The following ICA1L variants were observed in gnomAD, a reference collection of about 807,000 sequenced individuals.
ICA1L encodes islet cell autoantigen 1 like, also known as islet cell autoantigen 1-like protein.
ICA1L carries 50 observed loss-of-function variants against 61.3 expected under a neutral mutation model. The observed-to-expected ratio is 0.82, with a 90% CI of 0.65 to 1.03. ICA1L has a LOEUF of 1.03. Among genes scored for constraint, ICA1L ranks in the 50% least tolerant of loss-of-function variants. The probability of loss-of-function intolerance (pLI) is 0.00; values close to 1 mark genes in which losing one functional copy is unlikely to be tolerated. For synonymous variants in ICA1L, 161 were observed against 191.3 expected, an observed-to-expected ratio of 0.84 and a Z score of 1.31; for missense variants, 508 against 556.7, an observed-to-expected ratio of 0.91 and a Z score of 0.88.
In ICA1L at chr2:202,809,303, A is replaced by C. The variant is rs115122240; in HGVS notation, c.910+2443T>G. Among the ~76,000 whole-genome samples the C allele has an allele frequency of 5.2e-3, 788 of 151,892 alleles. 4 individuals carry two copies. Among genetic ancestry groups the C allele is most frequent in the African/African-American group, 0.018 (728 of 41,406 alleles). ...GGAGTATTGATCAAGCAGAAGAAAGAATCAGTGAGTTTGAAGACCGGTTAT... is the reference window on the plus strand; with the variant it reads ...GGAGTATTGATCAAGCAGAAGAAAGCATCAGTGAGTTTGAAGACCGGTTAT... On this transcript the variant is annotated intron_variant, in intron 9 of 12. Coordinates refer to ENST00000358299, the MANE Select transcript of ICA1L (RefSeq NM_001288622.3).
chr2:202,805,988 C>T (rs1231987112), intron 9 of ICA1L, among the ~76,000 whole-genome samples: 1 of 152,186 alleles, frequency 6.6e-6, no homozygotes, highest in Non-Finnish European at 1.5e-5. Flanking sequence ...TTACAACGGT[C>T]TCTTACATTG....
At chr2:202,867,308 AGATG>A (rs1324954166) in intron 1 of ICA1L, among the ~76,000 whole-genome samples, 1 of 152,196 alleles carries the variant, frequency 6.6e-6, no homozygotes, top group African/African-American at 2.4e-5. Flanking sequence ...ATGTGCCATT[AGATG>A]ATTTTATCAT....
chr2:202,805,985 G>A lies in ICA1L; in HGVS notation c.910+5761C>T, dbSNP rs772008064. On this transcript the variant is annotated intron_variant, in intron 9 of 12. Transcript: ENST00000358299. Reference sequence around the variant, plus strand: ...AGGTATACGAGTTCATGATTACAACGGTCTCTTACATTGTTTCTTTTATCC... The same window carrying A: ...AGGTATACGAGTTCATGATTACAACAGTCTCTTACATTGTTTCTTTTATCC... Among the ~76,000 whole-genome samples, 29 of 152,162 alleles carry A rather than the reference G, an allele frequency of 1.9e-4. 1 individual carries two copies. The highest frequency in any genetic ancestry group is 3.5e-4 in the Non-Finnish European group (24 of 68,022).
rs1290402409 is a variant in ICA1L, at chr2:202,806,636, G to C, written c.910+5110C>G. Among the ~76,000 whole-genome samples the C allele has an allele frequency of 1.3e-4, 20 of 149,424 alleles. No homozygotes were observed. The South Asian group carries it at 2.1e-3, about 16-fold the overall frequency. On this transcript the variant is annotated intron_variant, in intron 9 of 12. Coordinates refer to ENST00000358299, the MANE Select transcript of ICA1L (RefSeq NM_001288622.3). ...ACTCCGACGTGGCTGACAGGAGTGA[G>C]ACTCTGTCTCAAAAAAAAAAAAAGA...
intron 1 of ICA1L, among the ~76,000 whole-genome samples, chr2:202,846,451 G>T (rs979134681): frequency 3.9e-5 from 6 of 151,948 alleles, no homozygotes; most frequent in Admixed American, 3.9e-4. Context: ...GCAAGTCAGG[G>T]TCTCCAGAAC....
At position 202,779,378 on chromosome 2, in the gene ICA1L, T is replaced by C; in HGVS notation, c.*155A>G. The C allele has an allele frequency of 2.0e-6, 1 of 502,866 alleles. No individual in the cohort carries two copies. The highest frequency in any genetic ancestry group is 1.9e-5 in the African/African-American group (1 of 51,634). The allele number at this position is 502,866 out of a possible 1,614,324, so 31.2% of individuals were successfully genotyped here. ...TATGAAAGATGTGTACTTATTCAAATGTGGTCTTTACCATCTGTCTAAAGT... is the reference window on the plus strand; with the variant it reads ...TATGAAAGATGTGTACTTATTCAAACGTGGTCTTTACCATCTGTCTAAAGT... On this transcript the variant is annotated 3_prime_UTR_variant, in exon 13 of 13. Coordinates refer to ENST00000358299, the MANE Select transcript of ICA1L (RefSeq NM_001288622.3).
At chr2:202,863,697 G>C (rs1687361197) in intron 1 of ICA1L, among the ~76,000 whole-genome samples, 1 of 151,116 alleles carries the variant, frequency 6.6e-6, no homozygotes, top group Non-Finnish European at 1.5e-5. Flanking sequence ...CGTGGTGGTG[G>C]GCGCCTGTAG....
At chr2:202,868,923 G>A (rs764769888) in intron 1 of ICA1L, among the ~76,000 whole-genome samples, 3 of 151,698 alleles carry the variant, frequency 2.0e-5, no homozygotes, top group Admixed American at 6.6e-5. Flanking sequence ...AGCTGAGATC[G>A]CGCCACTGCA....
At chr2:202,806,518 C>T (rs1050951927) in intron 9 of ICA1L, among the ~76,000 whole-genome samples, 2 of 151,864 alleles carry the variant, frequency 1.3e-5, no homozygotes, top group Non-Finnish European at 2.9e-5. Flanking sequence ...AGGTAGCACA[C>T]ACCTATAGTC....
intron 4 of ICA1L, among the ~76,000 whole-genome samples, chr2:202,820,919 A>G (rs1693683628): frequency 6.6e-6 from 1 of 152,214 alleles, no homozygotes; most frequent in Admixed American, 6.5e-5. Flanking sequence ...AGAAACTGAA[A>G]TAATAACTGG....
intron 8 of ICA1L, among the ~76,000 whole-genome samples, chr2:202,814,007 C>A (rs1693456321): frequency 6.6e-6 from 1 of 152,126 alleles, no homozygotes; most frequent in South Asian, 2.1e-4. Flanking sequence ...CTCTTAATCA[C>A]CCCAATCAGT....
At chr2:202,858,084 C>T (rs1019629068) in intron 1 of ICA1L, among the ~76,000 whole-genome samples, 1 of 152,040 alleles carries the variant, frequency 6.6e-6, no homozygotes, top group Non-Finnish European at 1.5e-5. Context: ...GATCTAGAAC[C>T]AGAAATACCA....
chr2:202,789,103 A>G lies in ICA1L; in HGVS notation c.986-16T>C. ...TCTTTTGCAACTATTGAGTGTAAAT[A>G]AAAACAGAAAGGCTTTTTTGATTTT... On this transcript the variant is annotated splice_polypyrimidine_tract_variant and intron_variant, in intron 10 of 12. Coordinates refer to ENST00000358299, the MANE Select transcript of ICA1L (RefSeq NM_001288622.3). 1 of 1,583,264 alleles carries G rather than the reference A, an allele frequency of 6.3e-7. No homozygotes were observed. The highest frequency in any genetic ancestry group is 8.6e-7 in the Non-Finnish European group (1 of 1,168,850).
chr2:202,838,445 G>A (rs1457481763), intron 1 of ICA1L, among the ~76,000 whole-genome samples: 1 of 152,128 alleles, frequency 6.6e-6, no homozygotes, highest in Non-Finnish European at 1.5e-5. Flanking sequence ...TATCCATTTG[G>A]TCTAAAATGT....
chr2:202,847,689 T>C (rs963071037), intron 1 of ICA1L, among the ~76,000 whole-genome samples: 2 of 33,882 alleles, frequency 5.9e-5, no homozygotes, highest in South Asian at 2.4e-3. Context: ...AAATATTATA[T>C]GGGAATTATA....
rs545973871 is a variant in ICA1L, at chr2:202,837,340, G to A, written c.-7-8324C>T. Among the ~76,000 whole-genome samples, 10 of 151,814 alleles carry A rather than the reference G, an allele frequency of 6.6e-5. No individual in the cohort carries two copies. The East Asian group carries it at 1.8e-3, about 27-fold the overall frequency. On this transcript the variant is annotated intron_variant, in intron 1 of 12. Transcript: ENST00000358299. Reference sequence around the variant, plus strand: ...TCTCTGTCACCCAAGCTGGAGTGCAGTGGTGCGATCTCGGCTCACTGCAAG... The same window carrying A: ...TCTCTGTCACCCAAGCTGGAGTGCAATGGTGCGATCTCGGCTCACTGCAAG...
chr2:202,781,163 C>A (rs1044074780), intron 12 of ICA1L, among the ~76,000 whole-genome samples: 1 of 152,052 alleles, frequency 6.6e-6, no homozygotes, highest in African/African-American at 2.4e-5. Flanking sequence ...CTATTACTGC[C>A]TCCAGAGATT....
chr2:202,773,915 C>A lies in ICA1L; in HGVS notation c.*5618G>T. On this transcript the variant is annotated 3_prime_UTR_variant, in exon 13 of 13. Transcript: ENST00000358299. Reference sequence around the variant, plus strand: ...AAACCAGTGGAATAAGAACAGTCAACGTAGAAAGAGACAGAAAGATTCTTC... The same window carrying A: ...AAACCAGTGGAATAAGAACAGTCAAAGTAGAAAGAGACAGAAAGATTCTTC... 1 of 1,229,010 alleles carries A rather than the reference C, an allele frequency of 8.1e-7. No individual in the cohort carries two copies. The highest frequency in any genetic ancestry group is 1.2e-6 in the Non-Finnish European group (1 of 842,040). The allele number at this position is 1,229,010 out of a possible 1,614,324, so 76.1% of individuals were successfully genotyped here.
intron 9 of ICA1L, among the ~76,000 whole-genome samples, chr2:202,798,038 T>A (rs996401807): frequency 2.0e-5 from 3 of 152,202 alleles, no homozygotes; most frequent in African/African-American, 7.2e-5. Context: ...GGTATTTGTC[T>A]TTCTGTGGCT....
Sources: allele counts gnomAD v4.1 joint callset (sites outside exome capture counted in the v4.1 genomes callset), GRCh38; gene constraint gnomAD v4.1.1; transcripts MANE v1.5; gene names NCBI Gene and HGNC (gene_info 2026-07-23, HGNC 2026-07-21).